The following GABRG3 variants were observed in gnomAD, a reference collection of about 807,000 sequenced individuals.
GABRG3 encodes gamma-aminobutyric acid receptor subunit gamma-3.
In GABRG3, 25 loss-of-function variants were observed where a neutral mutation model predicts 48.8. The observed-to-expected ratio is 0.51, with a 90% confidence interval of 0.37 to 0.72. GABRG3 has a LOEUF of 0.72. GABRG3 is among the 30% of genes least tolerant of loss of function. The pLI is 0.00. For missense variants in GABRG3, 394 were observed against 577.9 expected (o/e 0.68, Z 3.26); for synonymous variants, 227 against 217.6 (o/e 1.04, Z -0.38).
At chr15:27,439,967 T>C (rs926866555) in intron 5 of GABRG3, among the ~76,000 whole-genome samples, 5 of 152,168 alleles carry the variant, frequency 3.3e-5, no homozygotes, top group African/African-American at 1.2e-4. Flanking sequence ...CTGTCATGTA[T>C]GAATTATGCC....
At chr15:27,476,910 A>G (rs1225765239) in intron 5 of GABRG3, among the ~76,000 whole-genome samples, 7 of 152,248 alleles carry the variant, frequency 4.6e-5, no homozygotes, top group Admixed American at 4.6e-4. Flanking sequence ...ACATTTTGAA[A>G]ACAGCAAGAG....
intron 3 of GABRG3, among the ~76,000 whole-genome samples, chr15:27,049,705 T>C (rs1190685223): frequency 2.6e-5 from 4 of 152,144 alleles, no homozygotes; most frequent in African/African-American, 9.7e-5. Flanking sequence ...CATAAACAGG[T>C]AGATGTGTTT....
At chr15:27,127,661 G>A (rs975620221) in intron 3 of GABRG3, among the ~76,000 whole-genome samples, 1 of 152,164 alleles carries the variant, frequency 6.6e-6, no homozygotes, top group Non-Finnish European at 1.5e-5. Flanking sequence ...GCCAACACGT[G>A]CTTAAGCAGT....
chr15:27,239,307 A>G (rs1890068786), intron 3 of GABRG3, among the ~76,000 whole-genome samples: 2 of 152,200 alleles, frequency 1.3e-5, no homozygotes, highest in East Asian at 1.9e-4. Flanking sequence ...TATGAGGCAT[A>G]CAAGTGTGAG....
At chr15:27,529,661 G>T (rs1367759602) in intron 9 of GABRG3, among the ~76,000 whole-genome samples, 1 of 152,126 alleles carries the variant, frequency 6.6e-6, no homozygotes, top group Non-Finnish European at 1.5e-5. Flanking sequence ...GCTGCGGGGA[G>T]CTACAGAGAA....
At chr15:26,978,751 G>A (rs1282094673) in intron 2 of GABRG3, among the ~76,000 whole-genome samples, 1 of 152,110 alleles carries the variant, frequency 6.6e-6, no homozygotes, top group East Asian at 1.9e-4. Flanking sequence ...TCTTCAAATT[G>A]GATCAAGTAA....
chr15:27,452,170 C>T (rs1459656554), intron 5 of GABRG3, among the ~76,000 whole-genome samples: 4 of 152,134 alleles, frequency 2.6e-5, no homozygotes, highest in Admixed American at 6.5e-5. Context: ...AAATCTAAAC[C>T]TCAGTGAGAT....
At chr15:27,425,448 C>CAAAAAAAAAAA (rs57986546) in intron 5 of GABRG3, among the ~76,000 whole-genome samples, 1 of 77,848 alleles carries the variant, frequency 1.3e-5, no homozygotes, top group South Asian at 3.5e-4. Flanking sequence ...ACTAAAAATA[C>CAAAAAAAAAAA]AAAAAAAAAA....
At chr15:27,056,340 G>A (rs1304740213) in intron 3 of GABRG3, among the ~76,000 whole-genome samples, 1 of 126,932 alleles carries the variant, frequency 7.9e-6, no homozygotes, top group South Asian at 2.6e-4. Context: ...TTGACAGAGT[G>A]AGACCCTGTC....
In GABRG3 at chr15:27,538,226, C is replaced by T. The variant is rs1891593024; in HGVS notation, c.*5345C>T. On this transcript the variant is annotated 3_prime_UTR_variant, in exon 10 of 10. Coordinates refer to ENST00000615808, the MANE Select transcript of GABRG3 (RefSeq NM_033223.5). Reference sequence around the variant, plus strand: ...TAAAACCCCTTATACCTTTTATTGTCCTGCTTACTTATAAAAGCCAAATTT... The same window carrying T: ...TAAAACCCCTTATACCTTTTATTGTTCTGCTTACTTATAAAAGCCAAATTT... The T allele has an allele frequency of 6.6e-6, 1 of 152,082 alleles. No homozygotes were observed. The allele number at this position is 152,082 out of a possible 1,614,324, so 9.4% of individuals were successfully genotyped here.
intron 3 of GABRG3, among the ~76,000 whole-genome samples, chr15:27,133,041 G>A (rs1046792603): frequency 6.6e-5 from 10 of 151,574 alleles, no homozygotes; most frequent in Admixed American, 2.0e-4. Flanking sequence ...TTTCTCTTAC[G>A]ATATTGTTTT....
chr15:27,060,732 C>T (rs1349028764), intron 3 of GABRG3, among the ~76,000 whole-genome samples: 1 of 152,146 alleles, frequency 6.6e-6, no homozygotes, highest in African/African-American at 2.4e-5. Flanking sequence ...GAAGGAGGGA[C>T]CTTTCTTCCT....
chr15:27,289,893 T>C (rs1413788001), intron 3 of GABRG3, among the ~76,000 whole-genome samples: 1 of 152,220 alleles, frequency 6.6e-6, no homozygotes, highest in Non-Finnish European at 1.5e-5. Flanking sequence ...ATCATTTCCT[T>C]GTTTTGGCCG....
At chr15:27,265,692 T>A (rs992764688) in intron 3 of GABRG3, among the ~76,000 whole-genome samples, 2 of 152,182 alleles carry the variant, frequency 1.3e-5, no homozygotes, top group Non-Finnish European at 2.9e-5. Context: ...TTATCAAGTA[T>A]GGACGTTGCA....
At chr15:26,988,200 T>A (rs1595457538) in intron 2 of GABRG3, among the ~76,000 whole-genome samples, 1 of 152,208 alleles carries the variant, frequency 6.6e-6, no homozygotes, top group East Asian at 1.9e-4. Context: ...GTCTACTTGC[T>A]GCTTTTCTAT....
At chr15:27,282,369 C>G (rs1171499972) in intron 3 of GABRG3, among the ~76,000 whole-genome samples, 1 of 152,180 alleles carries the variant, frequency 6.6e-6, no homozygotes, top group Non-Finnish European at 1.5e-5. Flanking sequence ...ACAGAGGCCA[C>G]AAGTCCCCGA....
intron 5 of GABRG3, among the ~76,000 whole-genome samples, chr15:27,453,828 C>T (rs1481544548): frequency 2.0e-5 from 3 of 152,236 alleles, no homozygotes; most frequent in Admixed American, 2.0e-4. Context: ...TCTTCCACTC[C>T]TGACCTCAGG....
At chr15:27,279,496 C>G (rs1891364850) in intron 3 of GABRG3, among the ~76,000 whole-genome samples, 1 of 152,084 alleles carries the variant, frequency 6.6e-6, no homozygotes, top group African/African-American at 2.4e-5. Context: ...TCCAAGTGCT[C>G]CAGCACCATA....
chr15:27,192,447 C>T (rs573572097), intron 3 of GABRG3, among the ~76,000 whole-genome samples: 1 of 152,216 alleles, frequency 6.6e-6, no homozygotes, highest in East Asian at 1.9e-4. Context: ...TTTCTCTAAA[C>T]TTCCCTTCTC....
Sources: allele counts gnomAD v4.1 joint callset (sites outside exome capture counted in the v4.1 genomes callset), GRCh38; gene constraint gnomAD v4.1.1; transcripts MANE v1.5; gene names NCBI Gene and HGNC (gene_info 2026-07-23, HGNC 2026-07-21).